The following HLCS variants were observed in gnomAD, a reference collection of about 807,000 sequenced individuals.
HLCS encodes holocarboxylase synthetase, also known as biotin--protein ligase.
Under a neutral mutation model 75.0 loss-of-function variants are expected in HLCS, and 53 were observed. That is an observed-to-expected ratio of 0.71 (90% CI 0.57 to 0.89). The LOEUF is 0.89. Ranked by LOEUF, HLCS falls within the 40% of genes least tolerant of loss-of-function variation. HLCS has a pLI of 0.00. For missense variants in HLCS, 966 were observed against 1,074.0 expected (o/e 0.90, Z 1.41); for synonymous variants, 431 against 428.6 (o/e 1.01, Z -0.07).
intron 6 of HLCS, among the ~76,000 whole-genome samples, chr21:36,778,998 T>TA (rs917926129): frequency 1.3e-5 from 2 of 151,736 alleles, no homozygotes; most frequent in African/African-American, 4.9e-5. Flanking sequence ...AACGGTCTTT[T>TA]AAAAAAACTG....
chr21:36,872,799 C>A (rs1318279425), intron 6 of HLCS, among the ~76,000 whole-genome samples: 1 of 152,214 alleles, frequency 6.6e-6, no homozygotes, highest in Admixed American at 6.5e-5. Flanking sequence ...ATACGACCTA[C>A]AAGTCTGCAT....
chr21:36,760,524 T>C (rs1164868499), intron 8 of HLCS, among the ~76,000 whole-genome samples: 1 of 151,056 alleles, frequency 6.6e-6, no homozygotes, highest in African/African-American at 2.4e-5. Context: ...GCAGGAGAAT[T>C]GTGCGAACCC....
At chr21:36,767,904 T>A (rs1045907109) in intron 6 of HLCS, among the ~76,000 whole-genome samples, 10 of 152,300 alleles carry the variant, frequency 6.6e-5, no homozygotes, top group Non-Finnish European at 1.5e-4. Context: ...AATGGTTTCA[T>A]TGAAAAGAAT....
chr21:36,929,792 C>T (rs749444607), intron 5 of HLCS, among the ~76,000 whole-genome samples: 18 of 152,264 alleles, frequency 1.2e-4, no homozygotes, highest in Non-Finnish European at 1.5e-4. Flanking sequence ...AATTCCCGAA[C>T]ACATTCCCAG....
chr21:36,792,413 C>T (rs1439748657), intron 6 of HLCS, among the ~76,000 whole-genome samples: 3 of 144,972 alleles, frequency 2.1e-5, no homozygotes, highest in East Asian at 2.0e-4. Flanking sequence ...GCAAAAATGG[C>T]TCTTTCCTTC....
chr21:36,830,821 C>CA (rs34494258), intron 6 of HLCS, among the ~76,000 whole-genome samples: 154 of 61,738 alleles, frequency 2.5e-3, no homozygotes, highest in African/African-American at 5.6e-3. Flanking sequence ...GACCCTCTCT[C>CA]AAAAAAAAAA....
intron 6 of HLCS, among the ~76,000 whole-genome samples, chr21:36,882,058 G>A (rs776048738): frequency 9.9e-5 from 15 of 152,070 alleles, no homozygotes; most frequent in African/African-American, 2.4e-4. Flanking sequence ...CGAAGCGGGC[G>A]GATCCCAAGG....
chr21:36,907,383 T>C (rs997602258), intron 5 of HLCS, among the ~76,000 whole-genome samples: 1 of 152,250 alleles, frequency 6.6e-6, no homozygotes, highest in Admixed American at 6.5e-5. Flanking sequence ...TGGCCAGACA[T>C]GGTAGCCCAC....
intron 6 of HLCS, among the ~76,000 whole-genome samples, chr21:36,869,076 T>C (rs1431695469): frequency 1.3e-5 from 2 of 151,936 alleles, no homozygotes; most frequent in Admixed American, 6.6e-5. Context: ...CCTGAGTCCA[T>C]GCATTAAGCA....
At chr21:36,763,700 G>C (rs2089933320) in intron 8 of HLCS, among the ~76,000 whole-genome samples, 1 of 152,166 alleles carries the variant, frequency 6.6e-6, no homozygotes, top group Non-Finnish European at 1.5e-5. Context: ...CTGGGGGAGG[G>C]AGGCAGGAAT....
intron 6 of HLCS, among the ~76,000 whole-genome samples, chr21:36,791,339 C>T (rs188641882): frequency 2.3e-4 from 35 of 152,262 alleles, no homozygotes; most frequent in African/African-American, 7.0e-4. Context: ...TCAGTGAGAC[C>T]GCTTTCAGCA....
At chr21:36,845,963 T>C (rs2062783948) in intron 6 of HLCS, among the ~76,000 whole-genome samples, 1 of 152,200 alleles carries the variant, frequency 6.6e-6, no homozygotes. Context: ...ATTCAAATTC[T>C]GCACTTCTTA....
chr21:36,870,793 T>C (rs1601578866), intron 6 of HLCS, among the ~76,000 whole-genome samples: 2 of 152,072 alleles, frequency 1.3e-5, no homozygotes, highest in South Asian at 2.1e-4. Context: ...GAGAAGAAAA[T>C]GTTCCTAACT....
intron 8 of HLCS, among the ~76,000 whole-genome samples, chr21:36,760,427 A>G (rs1568967887): frequency 6.6e-6 from 1 of 152,016 alleles, no homozygotes; most frequent in Non-Finnish European, 1.5e-5. Flanking sequence ...TGGCCAACAT[A>G]GTGAAACCCC....
upstream of HLCS, among the ~76,000 whole-genome samples, chr21:36,967,617 A>G (rs2068661682): frequency 6.6e-6 from 1 of 152,238 alleles, no homozygotes; most frequent in African/African-American, 2.4e-5. Flanking sequence ...CACAGCAAAG[A>G]ATTCCATCCA....
chr21:36,922,018 T>C (rs990016664), intron 5 of HLCS, among the ~76,000 whole-genome samples: 2 of 152,178 alleles, frequency 1.3e-5, no homozygotes, highest in African/African-American at 4.8e-5. Flanking sequence ...TGTATATGCA[T>C]ATATATTATC....
At chr21:36,906,510 C>T (rs998704452) in intron 5 of HLCS, among the ~76,000 whole-genome samples, 19 of 152,250 alleles carry the variant, frequency 1.2e-4, no homozygotes, top group African/African-American at 4.6e-4. Context: ...CCAGTCTAAG[C>T]GACAGAGCGA....
chr21:36,759,410 A>G (rs1329776749), intron 9 of HLCS, among the ~76,000 whole-genome samples: 1 of 152,212 alleles, frequency 6.6e-6, no homozygotes, highest in Non-Finnish European at 1.5e-5. Flanking sequence ...TCTTTTTCTT[A>G]TTACAGAATA....
chr21:36,823,032 G>A (rs920252152), intron 6 of HLCS, among the ~76,000 whole-genome samples: 3 of 152,210 alleles, frequency 2.0e-5, no homozygotes, highest in African/African-American at 7.2e-5. Flanking sequence ...CTTCTCGTGT[G>A]TGTTAAAGCA....
Sources: allele counts gnomAD v4.1 joint callset (sites outside exome capture counted in the v4.1 genomes callset), GRCh38; gene constraint gnomAD v4.1.1; transcripts MANE v1.5; gene names NCBI Gene and HGNC (gene_info 2026-07-23, HGNC 2026-07-21).